Variants in TAS2R1 observed in about 807,000 individuals in gnomAD.
TAS2R1 encodes taste receptor type 2 member 1.
For missense variants in TAS2R1, 370 were observed against 353.4 expected, an observed-to-expected ratio of 1.05 and a Z score of -0.38; for synonymous variants, 141 against 134.2, an observed-to-expected ratio of 1.05 and a Z score of -0.35.
intron 1 of TAS2R1, among the ~76,000 whole-genome samples, chr5:9,668,385 A>G (rs924281412): frequency 2.0e-5 from 3 of 152,170 alleles, no homozygotes; most frequent in South Asian, 4.1e-4. Flanking sequence ...AGAAAAGCCA[A>G]TATTCAATCA....
chr5:9,777,680 T>G, the TAS2R1 span, among the ~76,000 whole-genome samples: 2 of 152,234 alleles, frequency 1.3e-5, no homozygotes, highest in Non-Finnish European at 2.9e-5. Flanking sequence ...TCGAATTTGC[T>G]TTGCCCAGAT....
chr5:9,649,303 A>T (rs2126487001), intron 2 of TAS2R1, among the ~76,000 whole-genome samples: 1 of 152,338 alleles, frequency 6.6e-6, no homozygotes, highest in Non-Finnish European at 1.5e-5. Context: ...TCACAATTGC[A>T]TTTGAAATAA....
At chr5:9,763,347 A>T in the TAS2R1 span, among the ~76,000 whole-genome samples, 1 of 152,110 alleles carries the variant, frequency 6.6e-6, no homozygotes, top group Non-Finnish European at 1.5e-5. Flanking sequence ...TCCCAAAAAT[A>T]CAAAAATTAG....
At chr5:9,839,853 T>C in the TAS2R1 span, among the ~76,000 whole-genome samples, 2 of 152,208 alleles carry the variant, frequency 1.3e-5, no homozygotes, top group African/African-American at 4.8e-5. Context: ...TAACTATTCT[T>C]ATCTCAGTCA....
the TAS2R1 span, among the ~76,000 whole-genome samples, chr5:9,874,169 T>C: frequency 3.9e-5 from 6 of 152,334 alleles, no homozygotes; most frequent in South Asian, 1.2e-3. Context: ...TTTCTCTACA[T>C]GCAATATTTT....
chr5:9,762,146 G>A, the TAS2R1 span, among the ~76,000 whole-genome samples: 1 of 152,134 alleles, frequency 6.6e-6, no homozygotes. Flanking sequence ...AAAAGAATAT[G>A]CTGTCTAAAG....
chr5:9,851,599 T>C, the TAS2R1 span, among the ~76,000 whole-genome samples: 14 of 151,064 alleles, frequency 9.3e-5, no homozygotes, highest in African/African-American at 3.4e-4. Flanking sequence ...AGCATGAACA[T>C]CCCAGTTGGT....
chr5:9,754,394 G>C, the TAS2R1 span, among the ~76,000 whole-genome samples: 1 of 152,146 alleles, frequency 6.6e-6, no homozygotes, highest in East Asian at 1.9e-4. Flanking sequence ...CATAGTCTTG[G>C]AAGTTCTGGC....
chr5:9,796,713 A>G, the TAS2R1 span, among the ~76,000 whole-genome samples: 1 of 115,048 alleles, frequency 8.7e-6, no homozygotes, highest in Non-Finnish European at 1.7e-5. Context: ...GAAAATAGCT[A>G]TTTTCTGGAA....
chr5:9,823,634 A>AAGGAAGGGAGGGAAAGGG, the TAS2R1 span, among the ~76,000 whole-genome samples: 2 of 115,602 alleles, frequency 1.7e-5, no homozygotes, highest in South Asian at 7.0e-4. Flanking sequence ...GAAAGGGAGG[A>AAGGAAGGGAGGGAAAGGG]AGGAAGGGAG....
intron 1 of TAS2R1, among the ~76,000 whole-genome samples, chr5:9,704,485 C>G (rs368575685): frequency 6.6e-6 from 1 of 152,052 alleles, no homozygotes; most frequent in Non-Finnish European, 1.5e-5. Context: ...ACGGTTAATA[C>G]CCTCAAAGCA....
chr5:9,693,858 T>C lies in TAS2R1; in HGVS notation c.-242+18314A>G, dbSNP rs750076190. ...TTTTTATACAGTGTTGGTTGTTACA[T>C]AGCAGTTTAAATAATATGGCCAGTT... is the stretch of plus-strand genomic sequence containing the variant. On this transcript the variant is annotated intron_variant, in intron 1 of 2. Coordinates refer to the TAS2R1 transcript ENST00000506620. 3.3e-5 allele frequency among the ~76,000 whole-genome samples: 5 copies of C among 152,214 alleles called. No individual in the cohort carries two copies. The South Asian group carries it at 8.3e-4, about 25-fold the overall frequency.
At chr5:9,767,120 C>T in the TAS2R1 span, among the ~76,000 whole-genome samples, 1 of 152,138 alleles carries the variant, frequency 6.6e-6, no homozygotes, top group Admixed American at 6.5e-5. Flanking sequence ...TTCTGGAAGA[C>T]ACCTGTGATT....
the TAS2R1 span, among the ~76,000 whole-genome samples, chr5:9,744,312 C>T: frequency 2.0e-5 from 3 of 152,082 alleles, no homozygotes; most frequent in African/African-American, 7.2e-5. Context: ...AATATTGGGC[C>T]GGTGGGTCAT....
At chr5:9,718,343 C>T in the TAS2R1 span, among the ~76,000 whole-genome samples, 1 of 152,040 alleles carries the variant, frequency 6.6e-6, no homozygotes, top group Non-Finnish European at 1.5e-5. Context: ...GAATTAATGT[C>T]ACTAATGTAC....
rs776505890 is a variant in TAS2R1 at position 9,684,356 on chromosome 5, T to A, written c.-241-24775A>T. The stretch of plus-strand genomic sequence containing the variant: ...TGTGGGAGCTGAAAAGTTGAACTCA[T>A]AGAAGTAGAGTAGAATTGTGGTTAT... On this transcript the variant is annotated intron_variant, in intron 1 of 2. Coordinates refer to the TAS2R1 transcript ENST00000506620. Among the ~76,000 whole-genome samples, 3 of 152,126 alleles carry A rather than the reference T, an allele frequency of 2.0e-5. No homozygotes were observed. The South Asian group carries it at 6.2e-4, about 32-fold the overall frequency.
chr5:9,749,066 C>T, the TAS2R1 span, among the ~76,000 whole-genome samples: 1 of 152,214 alleles, frequency 6.6e-6, no homozygotes, highest in African/African-American at 2.4e-5. Context: ...AGACTTCTCC[C>T]CCTTCTATCC....
chr5:9,822,640 T>C, the TAS2R1 span, among the ~76,000 whole-genome samples: 3 of 152,094 alleles, frequency 2.0e-5, no homozygotes, highest in Admixed American at 6.6e-5. Flanking sequence ...TGAGCCACCG[T>C]GCCCAGCCTG....
chr5:9,846,492 G>C, the TAS2R1 span, among the ~76,000 whole-genome samples: 4 of 152,094 alleles, frequency 2.6e-5, no homozygotes, highest in African/African-American at 9.7e-5. Flanking sequence ...CTCTCTTTTG[G>C]AATAAGTTAA....
Sources: gnomAD v4.1 joint callset for allele counts (sites outside exome capture counted in the v4.1 genomes callset) on GRCh38, gnomAD v4.1.1 for gene constraint, MANE v1.5 for transcripts, NCBI Gene and HGNC (gene_info 2026-07-23, HGNC 2026-07-21) for gene names.